CACNA1A: variants seen among roughly 807,000 people sequenced by gnomAD.
CACNA1A encodes calcium voltage-gated channel subunit alpha1 A.
CACNA1A carries 57 observed loss-of-function variants against 262.4 expected under a neutral mutation model. The ratio of observed to expected loss-of-function variants is 0.22; its 90% CI spans 0.18 to 0.27. CACNA1A has a LOEUF of 0.27. Ranked by LOEUF, CACNA1A falls within the 10% of genes least tolerant of loss-of-function variation. The probability of loss-of-function intolerance (pLI) is 1.00; values close to 1 mark genes in which losing one functional copy is unlikely to be tolerated. For synonymous variants in CACNA1A, 1,431 were observed against 1,419.3 expected, an observed-to-expected ratio of 1.01 and a Z score of -0.18; for missense variants, 2,526 against 3,562.8, an observed-to-expected ratio of 0.71 and a Z score of 7.41.
At chr19:13,275,725 C>T in intron 24 of CACNA1A, 125 bp downstream of exon 24, 1 of 710,256 alleles carries the variant, frequency 1.4e-6, no homozygotes, top group Non-Finnish European at 2.5e-6. Context: ...GCTGATATCT[C>T]CCACGTCCCC....
At chr19:13,276,607 C>T (rs1339200767) in intron 23 of CACNA1A, among the ~76,000 whole-genome samples, 1 of 152,012 alleles carries the variant, frequency 6.6e-6, no homozygotes, top group Admixed American at 6.6e-5. Flanking sequence ...TGCTGCTCTT[C>T]AAACACACCA....
chr19:13,415,773 A>AAAAAAAAAAAAAAAAAAAAG (rs2060209678), intron 3 of CACNA1A, among the ~76,000 whole-genome samples: 1 of 132,608 alleles, frequency 7.5e-6, no homozygotes, highest in Non-Finnish European at 1.6e-5. Context: ...AAAAAAAAAA[A>AAAAAAAAAAAAAAAAAAAAG]GTAGATGGGG....
intron 3 of CACNA1A, among the ~76,000 whole-genome samples, chr19:13,428,719 A>C (rs2060447950): frequency 6.6e-6 from 1 of 152,072 alleles, no homozygotes; most frequent in African/African-American, 2.4e-5. Flanking sequence ...CCAAATCCAA[A>C]TGTTCAGCTA....
intron 19 of CACNA1A, among the ~76,000 whole-genome samples, chr19:13,287,247 A>G (rs2057424683): frequency 1.3e-5 from 2 of 152,056 alleles, no homozygotes; most frequent in African/African-American, 4.8e-5. Context: ...GCTACTTGGG[A>G]GGCCGAAGTG....
At chr19:13,310,379 C>T (rs1430656419) in intron 12 of CACNA1A, among the ~76,000 whole-genome samples, 1 of 136,264 alleles carries the variant, frequency 7.3e-6, no homozygotes, top group East Asian at 2.4e-4. Flanking sequence ...GGCTTGAACC[C>T]GGGAGGTGGA....
intron 31 of CACNA1A, among the ~76,000 whole-genome samples, chr19:13,237,948 AG>A (rs1184674969): frequency 2.0e-5 from 3 of 152,240 alleles, no homozygotes; most frequent in African/African-American, 7.2e-5. Context: ...CAGCCTCAGG[AG>A]GGGGGTTTGG....
intron 38 of CACNA1A, among the ~76,000 whole-genome samples, chr19:13,224,254 G>A (rs1184795346): frequency 6.6e-6 from 1 of 151,832 alleles, no homozygotes; most frequent in African/African-American, 2.4e-5. Context: ...AACCCGGGAG[G>A]CGGAGGTAGC....
chr19:13,226,275 A>AGGGGGGGGGGGGG (rs2055444404), intron 37 of CACNA1A: 2 of 46,676 alleles, frequency 4.3e-5, no homozygotes, highest in Non-Finnish European at 9.1e-5. Flanking sequence ...GGGGGGCGGC[A>AGGGGGGGGGGGGG]GGGAGGGGCA....
In CACNA1A at chr19:13,332,874, A is replaced by G; in HGVS notation, c.1250T>C (p.Phe417Ser). 1 of 1,610,628 alleles carries G rather than the reference A, an allele frequency of 6.2e-7. No homozygotes were observed. Among genetic ancestry groups the G allele is most frequent in the East Asian group, 2.2e-5 (1 of 44,850 alleles). Residue 417 changes from phenylalanine to serine, a missense_variant, in exon 9 of 47, where the codon TTT becomes TCT. Phe to Ser is a radical substitution (Grantham distance 155, BLOSUM62 -2). Coordinates refer to ENST00000360228, the MANE Select transcript of CACNA1A (RefSeq NM_001127222.2). ...DETDGEQRHP[F>S]DALRRTTIKK... is the part of the protein sequence containing the mutation. ...GGTGGGTTTAGAGCAGTTACCATCA[A>G]AGGGATGCCTCTGCTCCCCGTCAGT...
chr19:13,330,200 G>A (rs528545873), intron 10 of CACNA1A, 44 bp downstream of exon 10: 20 of 1,388,842 alleles, frequency 1.4e-5, no homozygotes, highest in East Asian at 1.3e-4. Flanking sequence ...TCTCTTGGGC[G>A]ATAGGTGATG....
chr19:13,427,938 A>G (rs1207247242), intron 3 of CACNA1A, among the ~76,000 whole-genome samples: 7 of 151,342 alleles, frequency 4.6e-5, no homozygotes, highest in Non-Finnish European at 1.5e-5. Context: ...GTGGATAATA[A>G]CAGGTTGTTT....
chr19:13,443,636 T>G (rs1195717703), intron 3 of CACNA1A, among the ~76,000 whole-genome samples: 1 of 152,208 alleles, frequency 6.6e-6, no homozygotes, highest in Admixed American at 6.5e-5. Context: ...TGGGTGCCTA[T>G]GTATGTATAT....
intron 17 of CACNA1A, among the ~76,000 whole-genome samples, chr19:13,301,314 T>C (rs1000741988): frequency 6.6e-6 from 1 of 152,176 alleles, no homozygotes; most frequent in African/African-American, 2.4e-5. Context: ...TCACTAGGCT[T>C]TCTGAGCCAT....
chr19:13,267,709 G>C (rs959422016), intron 24 of CACNA1A, among the ~76,000 whole-genome samples: 2 of 152,016 alleles, frequency 1.3e-5, no homozygotes, highest in African/African-American at 4.8e-5. Flanking sequence ...TTGGGAGGAC[G>C]AGTTGGGAAG....
intron 1 of CACNA1A, among the ~76,000 whole-genome samples, chr19:13,473,827 C>T (rs987764845): frequency 1.0e-4 from 15 of 150,126 alleles, no homozygotes; most frequent in African/African-American, 3.5e-4. Flanking sequence ...CTTTACATCT[C>T]AGCGGCAGTC....
At chr19:13,229,512 G>T (rs970034051) in intron 36 of CACNA1A, among the ~76,000 whole-genome samples, 1 of 152,180 alleles carries the variant, frequency 6.6e-6, no homozygotes, top group African/African-American at 2.4e-5. Context: ...CCCCTCTGGT[G>T]TCTACCCAGA....
intron 11 of CACNA1A, among the ~76,000 whole-genome samples, chr19:13,314,277 T>C (rs986654735): frequency 7.2e-5 from 11 of 152,228 alleles, no homozygotes; most frequent in African/African-American, 2.7e-4. Context: ...TCCATGAATT[T>C]CATATAGCTA....
At chr19:13,222,081 ATT>A (rs2055253436) in intron 38 of CACNA1A, among the ~76,000 whole-genome samples, 1 of 151,424 alleles carries the variant, frequency 6.6e-6, no homozygotes, top group Non-Finnish European at 1.5e-5. Context: ...TAATTTTTGT[ATT>A]TTTAGTAGAG....
chr19:13,215,838 G>A (rs981329164), intron 38 of CACNA1A, among the ~76,000 whole-genome samples: 2 of 152,130 alleles, frequency 1.3e-5, no homozygotes, highest in Non-Finnish European at 2.9e-5. Context: ...GACAGTGTCT[G>A]CCATAGGATT....
Sources: gnomAD v4.1 joint callset for allele counts (sites outside exome capture counted in the v4.1 genomes callset) on GRCh38, gnomAD v4.1.1 for gene constraint, MANE v1.5 for transcripts, NCBI Gene and HGNC (gene_info 2026-07-23, HGNC 2026-07-21) for gene names.